Variants in IGSF11 observed in about 807,000 individuals in gnomAD.
IGSF11 encodes the protein CXADR like 1.
In IGSF11, 22 loss-of-function variants were observed where a neutral mutation model predicts 41.0. The observed-to-expected ratio is 0.54, with a 90% CI of 0.38 to 0.77. The LOEUF is 0.77. Ranked by LOEUF, IGSF11 falls within the 30% of genes least tolerant of loss-of-function variation. IGSF11 has a pLI of 0.00. For synonymous variants in IGSF11, 219 were observed against 201.3 expected, an observed-to-expected ratio of 1.09 and a Z score of -0.74; for missense variants, 444 against 530.8, an observed-to-expected ratio of 0.84 and a Z score of 1.61.
At chr3:118,914,005 A>T (rs1940698363) in intron 4 of IGSF11, among the ~76,000 whole-genome samples, 1 of 152,206 alleles carries the variant, frequency 6.6e-6, no homozygotes, top group Non-Finnish European at 1.5e-5. Context: ...GATTAGGGAA[A>T]ATGGAAGAAA....
intron 4 of IGSF11, among the ~76,000 whole-genome samples, chr3:118,918,840 ACTAC>A (rs1180826652): frequency 7.4e-6 from 1 of 135,650 alleles, no homozygotes; most frequent in Non-Finnish European, 1.5e-5. Flanking sequence ...GAGGCATCAC[ACTAC>A]CTGACTTCAA....
chr3:118,939,575 CA>C (rs34558286), intron 1 of IGSF11, among the ~76,000 whole-genome samples: 144 of 137,322 alleles, frequency 1.0e-3, no homozygotes, highest in Non-Finnish European at 1.2e-3. Flanking sequence ...GACTCCGTCT[CA>C]AAAAAAAAAA....
At chr3:118,943,705 C>T (rs189241206) in intron 1 of IGSF11, among the ~76,000 whole-genome samples, 51 of 152,318 alleles carry the variant, frequency 3.3e-4, no homozygotes, top group African/African-American at 1.2e-3. Context: ...CATTGTGATG[C>T]TATAGTTGCA....
chr3:118,989,454 G>A (rs1935578195), intron 1 of IGSF11, among the ~76,000 whole-genome samples: 1 of 151,896 alleles, frequency 6.6e-6, no homozygotes, highest in Non-Finnish European at 1.5e-5. Context: ...GCGGGTTCAC[G>A]CCATTCTCCT....
intron 1 of IGSF11, among the ~76,000 whole-genome samples, chr3:119,004,038 G>T (rs1216536570): frequency 2.0e-5 from 3 of 151,976 alleles, no homozygotes; most frequent in African/African-American, 7.3e-5. Context: ...AGAAGGAATG[G>T]TACCAGTTCC....
intron 1 of IGSF11, among the ~76,000 whole-genome samples, chr3:118,951,335 T>C (rs1442798349): frequency 3.9e-5 from 6 of 152,200 alleles, no homozygotes; most frequent in South Asian, 2.1e-4. Flanking sequence ...TTGGTGATCA[T>C]AGTATTTTGG....
At position 118,902,279 on chromosome 3, in the gene IGSF11, C is replaced by T. The variant is rs1938956807; in HGVS notation, c.*241G>A. 2 of 463,262 alleles carry T rather than the reference C, an allele frequency of 4.3e-6. No homozygotes were observed. The highest frequency in any genetic ancestry group is 7.7e-6 in the Non-Finnish European group (2 of 260,106). 28.7% of individuals were successfully genotyped at this position (463,262 alleles called of 1,614,324 possible). A position where few individuals can be genotyped will look rare whatever the true frequency, so the allele number is the denominator to read the frequency against. On this transcript the variant is annotated 3_prime_UTR_variant, in exon 7 of 7. Transcript: ENST00000393775. ...TTGTATCTTTTTCCTTGGCTTGGCA[C>T]ATCTTTGAGATCCAGCAGAATCCCA...
intron 1 of IGSF11, among the ~76,000 whole-genome samples, chr3:118,933,555 T>C (rs1559920494): frequency 6.6e-6 from 1 of 151,792 alleles, no homozygotes; most frequent in Admixed American, 6.6e-5. Flanking sequence ...TGACATTATT[T>C]TCATTTTACA....
At chr3:119,070,871 C>G (rs1490279654) in intron 1 of IGSF11, among the ~76,000 whole-genome samples, 1 of 152,182 alleles carries the variant, frequency 6.6e-6, no homozygotes, top group Admixed American at 6.5e-5. Context: ...AGGCTCTGAA[C>G]ACAACATAGC....
At chr3:118,989,057 A>C (rs1410321146) in intron 1 of IGSF11, among the ~76,000 whole-genome samples, 1 of 152,236 alleles carries the variant, frequency 6.6e-6, no homozygotes, top group Non-Finnish European at 1.5e-5. Context: ...TAATTCATTC[A>C]ACAAACATTT....
chr3:119,008,477 G>C (rs932676439), intron 1 of IGSF11, among the ~76,000 whole-genome samples: 5 of 152,150 alleles, frequency 3.3e-5, no homozygotes, highest in African/African-American at 1.2e-4. Flanking sequence ...CAGAAACCTA[G>C]GGAGTATTCA....
chr3:118,904,690 T>C lies in IGSF11; in HGVS notation c.812A>G (p.Lys271Arg). ...TTCTTCTTCTTCCTCCTCTTTATTT[T>C]TGCTTCTCCAGTAAAAGAATGCCCC... ...ILGAFFYWRS[K>R]NKEEEEEEIP... Residue 271 changes from lysine to arginine, a missense_variant, in exon 6 of 7, where the codon AAA (lysine) becomes AGA (arginine). Transcript: ENST00000393775. 6.2e-7 allele frequency: 1 copy of C among 1,612,520 alleles called. No homozygotes were observed. Among genetic ancestry groups the C allele is most frequent in the Non-Finnish European group, 8.5e-7 (1 of 1,179,054 alleles).
chr3:119,013,594 T>G (rs1200248242), intron 1 of IGSF11, among the ~76,000 whole-genome samples: 2 of 152,200 alleles, frequency 1.3e-5, no homozygotes, highest in Admixed American at 1.3e-4. Context: ...TTATTAGACA[T>G]CGACTAATAA....
rs569113798 is a variant in IGSF11, at chr3:118,938,433, T to C, written c.53-8158A>G. Reference sequence around the variant, plus strand: ...CGATATAACCCACTTTACTCCATCATGTTACCTGTCTGACTCCTGTGGGCA... The same window carrying C: ...CGATATAACCCACTTTACTCCATCACGTTACCTGTCTGACTCCTGTGGGCA... On this transcript the variant is annotated intron_variant, in intron 1 of 6. Coordinates refer to ENST00000393775, the MANE Select transcript of IGSF11 (RefSeq NM_001015887.3). Among the ~76,000 whole-genome samples, 4 of 152,322 alleles carry C rather than the reference T, an allele frequency of 2.6e-5. No individual in the cohort carries two copies. In the East Asian group the frequency reaches 7.7e-4, roughly 29 times the overall value.
rs1938962815 is a variant in IGSF11, at chr3:118,902,329, T to C, written c.*191A>G. ...AGGACATCTTTGGTGGGGAAGCAAG[T>C]CTTCATGATGGAGCATTTCAGTCCA... is the stretch of plus-strand genomic sequence containing the variant. On this transcript the variant is annotated 3_prime_UTR_variant, in exon 7 of 7. Coordinates refer to ENST00000393775, the MANE Select transcript of IGSF11 (RefSeq NM_001015887.3). 3.7e-6 allele frequency: 2 copies of C among 534,296 alleles called. No individual in the cohort carries two copies. The highest frequency in any genetic ancestry group is 2.9e-5 in the South Asian group (1 of 34,636). 33.1% of individuals were successfully genotyped at this position (534,296 alleles called of 1,614,324 possible).
At chr3:118,960,645 A>G (rs929476240) in intron 1 of IGSF11, among the ~76,000 whole-genome samples, 2 of 152,198 alleles carry the variant, frequency 1.3e-5, no homozygotes, top group Non-Finnish European at 2.9e-5. Context: ...TAAAATAAAA[A>G]TCACTTATAA....
At chr3:119,056,299 G>C (rs759051807) in intron 1 of IGSF11, among the ~76,000 whole-genome samples, 1 of 152,114 alleles carries the variant, frequency 6.6e-6, no homozygotes, top group Non-Finnish European at 1.5e-5. Context: ...TATCACCATC[G>C]ATTACACAGA....
intron 1 of IGSF11, among the ~76,000 whole-genome samples, chr3:119,057,264 C>A (rs1276187930): frequency 2.6e-5 from 4 of 152,322 alleles, no homozygotes; most frequent in East Asian, 3.9e-4. Context: ...TCATAAGCAA[C>A]TTCAGCAAAG....
chr3:118,998,027 T>C (rs1936443660), intron 1 of IGSF11, among the ~76,000 whole-genome samples: 1 of 152,172 alleles, frequency 6.6e-6, no homozygotes, highest in Admixed American at 6.5e-5. Context: ...ATACAAACAC[T>C]TCAAGTTTAG....
Sources: allele counts gnomAD v4.1 joint callset (sites outside exome capture counted in the v4.1 genomes callset), GRCh38; gene constraint gnomAD v4.1.1; transcripts MANE v1.5; gene names NCBI Gene and HGNC (gene_info 2026-07-23, HGNC 2026-07-21).